The following TDRD1 variants were observed in gnomAD, a reference collection of about 807,000 sequenced individuals.
TDRD1 encodes tudor domain containing 1.
In TDRD1, 37 loss-of-function variants were observed where a neutral mutation model predicts 140.6. The ratio of observed to expected loss-of-function variants is 0.26; its 90% CI spans 0.20 to 0.35. TDRD1 has a LOEUF of 0.35. TDRD1 is among the 10% of genes least tolerant of loss of function. The pLI, the probability that TDRD1 is intolerant of heterozygous loss-of-function variation, is 1.00. For synonymous variants in TDRD1, 506 were observed against 475.7 expected (o/e 1.06, Z -0.83); for missense variants, 1,243 against 1,393.0 (o/e 0.89, Z 1.71).
At chr10:114,228,631 C>A (rs1446870069) in intron 25 of TDRD1, 1 of 985,318 alleles carries the variant, frequency 1.0e-6, no homozygotes, top group Non-Finnish European at 1.2e-6. Context: ...ACAAAACATA[C>A]TCCCTGCTTT....
intron 3 of TDRD1, among the ~76,000 whole-genome samples, chr10:114,196,163 G>A (rs1048382669): frequency 6.6e-6 from 1 of 152,134 alleles, no homozygotes; most frequent in Non-Finnish European, 1.5e-5. Context: ...CATTTATTGG[G>A]TCTCGAACTC....
exon 25 of TDRD1, chr10:114,228,043 A>G (rs189188880): frequency 9.9e-6 from 16 of 1,610,256 alleles, no homozygotes; most frequent in Non-Finnish European, 1.3e-5. Flanking sequence ...CACAGGTTGA[A>G]AAACATGAAC....
chr10:114,212,228 A>G (rs1222782719), intron 14 of TDRD1, among the ~76,000 whole-genome samples, 192 bp downstream of exon 14: 1 of 152,186 alleles, frequency 6.6e-6, no homozygotes, highest in Non-Finnish European at 1.5e-5. Flanking sequence ...GCTTCATTCA[A>G]ACGTACCATA....
intron 16 of TDRD1, 45 bp from the exon 17 acceptor site, chr10:114,217,499 AT>A (rs757758334): frequency 1.1e-5 from 12 of 1,085,202 alleles, no homozygotes; most frequent in East Asian, 7.7e-5. Context: ...TGTGTTGTTT[AT>A]TTTTTAATAT....
intron 18 of TDRD1, among the ~76,000 whole-genome samples, chr10:114,220,348 G>A (rs1202050660): frequency 6.6e-6 from 1 of 152,148 alleles, no homozygotes; most frequent in Non-Finnish European, 1.5e-5. Flanking sequence ...AGCAGAGAAC[G>A]TAAGGAAAGA....
At chr10:114,211,755 T>C in intron 13 of TDRD1, 111 bp from the exon 14 acceptor site, 1 of 1,089,556 alleles carries the variant, frequency 9.2e-7, no homozygotes, top group Non-Finnish European at 1.3e-6. Context: ...ATAAGCTTGA[T>C]ATCTATTAAA....
chr10:114,182,485 A>ATATT (rs2033150448), intron 1 of TDRD1, among the ~76,000 whole-genome samples: 1 of 152,180 alleles, frequency 6.6e-6, no homozygotes, highest in Admixed American at 6.5e-5. Flanking sequence ...AAAGTCAAAT[A>ATATT]TATTTACTAA....
intron 3 of TDRD1, among the ~76,000 whole-genome samples, chr10:114,196,596 C>G (rs1019186229): frequency 6.6e-6 from 1 of 152,018 alleles, no homozygotes. Flanking sequence ...TTCAGAGTCA[C>G]CTTATGTTTG....
intron 14 of TDRD1, 71 bp from the exon 15 acceptor site, chr10:114,213,275 G>A (rs2133082230): frequency 4.3e-6 from 6 of 1,403,536 alleles, no homozygotes; most frequent in Non-Finnish European, 5.7e-6. Context: ...GTTTACCTTG[G>A]GGGAAATTAG....
upstream of TDRD1, among the ~76,000 whole-genome samples, chr10:114,176,595 T>C (rs1274510098): frequency 6.6e-6 from 1 of 152,114 alleles, no homozygotes; most frequent in African/African-American, 2.4e-5. This position sits in a 1 kb window ranked among gnomAD's most constrained non-coding sequence, Gnocchi z 4.2. Flanking sequence ...TTGAGGTATC[T>C]GGAAATGTTT....
chr10:114,228,393 G>A (rs2036564027), intron 25 of TDRD1: 1 of 1,179,586 alleles, frequency 8.5e-7, no homozygotes, highest in Non-Finnish European at 1.1e-6. Context: ...TTCTGTGAAT[G>A]CCTATGTTAT....
chr10:114,202,976 A>G, intron 6 of TDRD1, 96 bp from the exon 7 acceptor site: 1 of 786,256 alleles, frequency 1.3e-6, no homozygotes, highest in Admixed American at 2.0e-5. Context: ...CCTAAGAGTT[A>G]GGATATTGTG....
chr10:114,190,895 T>C, intron 2 of TDRD1, 66 bp from the exon 3 acceptor site: 2 of 1,497,324 alleles, frequency 1.3e-6, no homozygotes, highest in Non-Finnish European at 1.9e-6. Context: ...AATTACACTA[T>C]TTTTCATTAT....
intron 11 of TDRD1, among the ~76,000 whole-genome samples, chr10:114,210,259 A>G (rs1259427148): frequency 6.6e-6 from 1 of 152,192 alleles, no homozygotes; most frequent in Non-Finnish European, 1.5e-5. Context: ...TAATGAGACG[A>G]TATCTATTCC....
At chr10:114,180,029 G>C (rs2032908279) in intron 1 of TDRD1, 1 of 152,206 alleles carries the variant, frequency 6.6e-6, no homozygotes, top group Non-Finnish European at 1.5e-5. Context: ...TAAGGTGCTG[G>C]CCCTGGGTGG....
Position 114,213,340 on chromosome 10 carries a change from T to G in TDRD1, c.1832-6T>G. Reference sequence around the variant, plus strand: ...ATTGTAACATTCATTCAAAATTCTTTGTTAGGAGTAAAGCCATCATTAGGA... The same window carrying G: ...ATTGTAACATTCATTCAAAATTCTTGGTTAGGAGTAAAGCCATCATTAGGA... On this transcript the variant is annotated splice_region_variant and splice_polypyrimidine_tract_variant and intron_variant, in intron 14 of 25. Transcript: ENST00000251864. 1.3e-6 allele frequency: 2 copies of G among 1,599,988 alleles called. No homozygotes were observed. The highest frequency in any genetic ancestry group is 1.7e-6 in the Non-Finnish European group (2 of 1,171,770).
At chr10:114,191,976 A>G (rs901261062) in intron 3 of TDRD1, among the ~76,000 whole-genome samples, 1 of 152,012 alleles carries the variant, frequency 6.6e-6, no homozygotes, top group Non-Finnish European at 1.5e-5. Flanking sequence ...ATTGATGATG[A>G]TAAACATCTT....
chr10:114,213,287 A>T (rs1275867427), intron 14 of TDRD1, 59 bp from the exon 15 acceptor site: 2 of 1,508,550 alleles, frequency 1.3e-6, no homozygotes. Flanking sequence ...GGAAATTAGG[A>T]GCTAAATTTC....
chr10:114,217,525 A>T lies in TDRD1; in HGVS notation c.2213-20A>T. ...TTTTTTAATATGTTCTTAATTTTTT[A>T]ATCCTATGTGTATTTTCAGCTTTAA... On this transcript the variant is annotated intron_variant, in intron 16 of 25. Transcript: ENST00000251864. 1 of 1,281,718 alleles carries T rather than the reference A, an allele frequency of 7.8e-7. No homozygotes were observed. Among genetic ancestry groups the T allele is most frequent in the Non-Finnish European group, 1.1e-6 (1 of 912,534 alleles). The allele number at this position is 1,281,718 out of a possible 1,614,324, so 79.4% of individuals were successfully genotyped here.
Sources: allele counts gnomAD v4.1 joint callset (sites outside exome capture counted in the v4.1 genomes callset), GRCh38; gene constraint gnomAD v4.1.1; non-coding constraint Gnocchi (gnomAD v3.1); transcripts MANE v1.5; gene names NCBI Gene and HGNC (gene_info 2026-07-23, HGNC 2026-07-21).